KCND2: variants seen among roughly 807,000 people sequenced by gnomAD.
The protein encoded by KCND2 is A-type voltage-gated potassium channel KCND2.
In KCND2, 16 loss-of-function variants were observed where a neutral mutation model predicts 54.4. The observed-to-expected ratio is 0.29, with a 90% confidence interval of 0.20 to 0.45. The LOEUF (loss-of-function observed/expected upper bound fraction) is 0.45, where lower values mean the gene tolerates loss of function less well. KCND2 is among the 20% of genes least tolerant of loss of function. The pLI is 1.00. For missense variants in KCND2, 486 were observed against 824.2 expected, an observed-to-expected ratio of 0.59 and a Z score of 5.02; for synonymous variants, 317 against 310.7, an observed-to-expected ratio of 1.02 and a Z score of -0.21.
chr7:120,571,035 T>C (rs776759367), intron 1 of KCND2, among the ~76,000 whole-genome samples: 15 of 152,198 alleles, frequency 9.9e-5, no homozygotes, highest in Non-Finnish European at 2.1e-4. Context: ...TTACCATTTC[T>C]GTGACTATAA....
At chr7:120,569,674 T>G (rs1290885339) in intron 1 of KCND2, among the ~76,000 whole-genome samples, 2 of 152,172 alleles carry the variant, frequency 1.3e-5, no homozygotes, top group Non-Finnish European at 2.9e-5. Flanking sequence ...TAGTAAGTGT[T>G]ACTTAAAAAA....
intron 1 of KCND2, among the ~76,000 whole-genome samples, chr7:120,504,186 A>G (rs571203215): frequency 6.6e-6 from 1 of 152,074 alleles, no homozygotes; most frequent in South Asian, 2.1e-4. Context: ...GGCTCATTCA[A>G]CACCCTCACT....
chr7:120,627,942 G>A (rs988447629), intron 1 of KCND2, among the ~76,000 whole-genome samples: 4 of 151,736 alleles, frequency 2.6e-5, no homozygotes, highest in Admixed American at 6.6e-5. Context: ...TTGGCTGGGC[G>A]GGCCTTAAGG....
chr7:120,284,587 G>A (rs568592012), intron 1 of KCND2, among the ~76,000 whole-genome samples: 5 of 152,176 alleles, frequency 3.3e-5, no homozygotes, highest in African/African-American at 1.2e-4. Flanking sequence ...TTGATTTTTT[G>A]CTTTAGTCTA....
In KCND2 at chr7:120,274,205, A is replaced by G. The variant is rs1562993115; in HGVS notation, c.-428A>G. On this transcript the variant is annotated 5_prime_UTR_variant, in exon 1 of 6. Coordinates refer to ENST00000331113, the MANE Select transcript of KCND2 (RefSeq NM_012281.3). ...TAAGGGTTCCCTAATTCGTCGAAAG[A>G]ATTCTATTGGGTGACTCTCGTTCGT... 5.1e-6 allele frequency: 1 copy of G among 197,762 alleles called. No homozygotes were observed. 12.3% of individuals were successfully genotyped at this position (197,762 alleles called of 1,614,324 possible). A position where few individuals can be genotyped will look rare whatever the true frequency, so the allele number is the denominator to read the frequency against.
intron 2 of KCND2, among the ~76,000 whole-genome samples, chr7:120,735,418 A>C (rs950992446): frequency 6.6e-6 from 1 of 152,102 alleles, no homozygotes; most frequent in African/African-American, 2.4e-5. Flanking sequence ...CCACCCATCT[A>C]TCTCCATTCT....
At chr7:120,408,426 T>C (rs940603191) in intron 1 of KCND2, among the ~76,000 whole-genome samples, 1 of 151,758 alleles carries the variant, frequency 6.6e-6, no homozygotes, top group African/African-American at 2.4e-5. Flanking sequence ...GATTGGTAAG[T>C]CACTACTATA....
At chr7:120,279,460 T>C (rs1255441031) in intron 1 of KCND2, among the ~76,000 whole-genome samples, 2 of 152,078 alleles carry the variant, frequency 1.3e-5, no homozygotes, top group Non-Finnish European at 1.5e-5. Flanking sequence ...AAGTGTTCAA[T>C]ATGGGAAAGT....
intron 1 of KCND2, among the ~76,000 whole-genome samples, chr7:120,675,523 A>T (rs1792049490): frequency 6.6e-6 from 1 of 152,032 alleles, no homozygotes; most frequent in East Asian, 1.9e-4. Flanking sequence ...AGCGTGAGCC[A>T]CTGCACCCTG....
intron 2 of KCND2, among the ~76,000 whole-genome samples, chr7:120,738,138 A>AATACAAGATTTCTATG (rs1437745484): frequency 6.6e-6 from 1 of 152,114 alleles, no homozygotes. Context: ...AGTACTTCAC[A>AATACAAGATTTCTATG]ATACAAGATT....
chr7:120,620,718 G>A (rs1793087204), intron 1 of KCND2, among the ~76,000 whole-genome samples: 1 of 152,128 alleles, frequency 6.6e-6, no homozygotes, highest in Non-Finnish European at 1.5e-5. Flanking sequence ...AAAGACCATG[G>A]TATACAAAGG....
intron 1 of KCND2, among the ~76,000 whole-genome samples, chr7:120,307,700 C>T (rs1450452986): frequency 2.6e-5 from 4 of 152,112 alleles, no homozygotes; most frequent in Admixed American, 1.3e-4. Context: ...AAGCATGCCT[C>T]AGCCATCTGA....
chr7:120,295,907 T>G (rs1799507425), intron 1 of KCND2, among the ~76,000 whole-genome samples: 1 of 152,018 alleles, frequency 6.6e-6, no homozygotes, highest in South Asian at 2.1e-4. Context: ...TCTTACCATC[T>G]TGGGTTGGGA....
chr7:120,446,191 C>A (rs1802016385), intron 1 of KCND2, among the ~76,000 whole-genome samples: 1 of 152,098 alleles, frequency 6.6e-6, no homozygotes, highest in African/African-American at 2.4e-5. Context: ...GTTTGCAGTG[C>A]TGCTAGTCCA....
At position 120,275,034 on chromosome 7, in the gene KCND2, T is replaced by C. The variant is rs777246112; in HGVS notation, c.402T>C (p.Tyr134=). The part of the protein sequence containing the change: ...LIPEIIGDCC[Y]EEYKDRRREN... ...CGGAAATCATCGGCGACTGCTGTTATGAGGAGTACAAGGATCGCAGGCGAG... is the reference window on the plus strand; with the variant it reads ...CGGAAATCATCGGCGACTGCTGTTACGAGGAGTACAAGGATCGCAGGCGAG... Residue 134 remains tyrosine, a synonymous_variant, in exon 1 of 6, where the codon TAT becomes TAC. Coordinates refer to ENST00000331113, the MANE Select transcript of KCND2 (RefSeq NM_012281.3). 42 of 1,613,900 alleles carry C rather than the reference T, an allele frequency of 2.6e-5. No homozygotes were observed. The highest frequency in any genetic ancestry group is 3.5e-5 in the Non-Finnish European group (41 of 1,180,032).
At chr7:120,380,463 A>C (rs960833842) in intron 1 of KCND2, among the ~76,000 whole-genome samples, 1 of 152,070 alleles carries the variant, frequency 6.6e-6, no homozygotes, top group African/African-American at 2.4e-5. Flanking sequence ...GATACAGCAC[A>C]AATTCCAAAG....
intron 1 of KCND2, among the ~76,000 whole-genome samples, chr7:120,595,186 C>A (rs1023792000): frequency 2.2e-4 from 34 of 151,894 alleles, no homozygotes; most frequent in African/African-American, 8.0e-4. Context: ...TGTGGTGGCT[C>A]ATGCTTGTAA....
intron 1 of KCND2, among the ~76,000 whole-genome samples, chr7:120,423,907 CTT>C (rs1206900874): frequency 6.6e-5 from 10 of 152,266 alleles, no homozygotes; most frequent in Admixed American, 6.5e-4. Context: ...AGATATAAAA[CTT>C]TTGAATAGAG....
intron 1 of KCND2, among the ~76,000 whole-genome samples, chr7:120,386,987 C>G (rs1800998355): frequency 6.6e-6 from 1 of 152,088 alleles, no homozygotes; most frequent in Admixed American, 6.6e-5. Context: ...ACTAAATCAT[C>G]ATGAGCATCA....
Sources: allele counts gnomAD v4.1 joint callset (sites outside exome capture counted in the v4.1 genomes callset), GRCh38; gene constraint gnomAD v4.1.1; transcripts MANE v1.5; gene names NCBI Gene and HGNC (gene_info 2026-07-23, HGNC 2026-07-21).